SUFU: variants seen among roughly 807,000 people sequenced by gnomAD.
SUFU encodes suppressor of fused homolog.
SUFU carries 7 observed loss-of-function variants against 58.9 expected under a neutral mutation model. The ratio of observed to expected loss-of-function variants is 0.12; its 90% CI spans 0.07 to 0.22. SUFU has a LOEUF of 0.22. SUFU is among the 10% of genes least tolerant of loss of function. The pLI is 1.00. For missense variants in SUFU, 451 were observed against 641.3 expected (o/e 0.70, Z 3.20); for synonymous variants, 232 against 254.8 (o/e 0.91, Z 0.85).
chr10:102,577,080 C>CTTTT lies in SUFU; in HGVS notation c.455-15501_455-15498dup, dbSNP rs10656431. ...AGTAGAAGCATGTCCTGGATTTTTTCTTTTCTTTTTTTTTTTTTTTTGAGA... is the reference window on the plus strand; with the variant it reads ...AGTAGAAGCATGTCCTGGATTTTTTCTTTTTTTTCTTTTTTTTTTTTTTTTGAGA... On this transcript the variant is annotated intron_variant, in intron 3 of 11. Transcript: ENST00000369902. 5.0e-4 allele frequency among the ~76,000 whole-genome samples: 49 copies of CTTTT among 97,070 alleles called. 9 individuals carry two copies. Among genetic ancestry groups the CTTTT allele is most frequent in the African/African-American group, 6.7e-4 (19 of 28,462 alleles). 63.7% of individuals were successfully genotyped at this position (97,070 alleles called of 152,430 possible).
At chr10:102,596,853 A>G (rs939671483) in intron 6 of SUFU, among the ~76,000 whole-genome samples, 6 of 152,180 alleles carry the variant, frequency 3.9e-5, no homozygotes, top group African/African-American at 1.2e-4. Flanking sequence ...GGTAGAGGCC[A>G]TTGTGCTGGA....
At chr10:102,573,682 C>T (rs1363794072) in intron 3 of SUFU, among the ~76,000 whole-genome samples, 1 of 152,166 alleles carries the variant, frequency 6.6e-6, no homozygotes, top group Admixed American at 6.5e-5. Context: ...CAGGCTACAA[C>T]ATGGATGAAC....
intron 2 of SUFU, 136 bp downstream of exon 2, chr10:102,509,439 A>G: frequency 1.6e-6 from 2 of 1,273,280 alleles, no homozygotes; most frequent in Non-Finnish European, 2.3e-6. Context: ...GACTATATCT[A>G]CTCATGCCAA....
intron 10 of SUFU, among the ~76,000 whole-genome samples, chr10:102,623,174 T>C (rs1194850488): frequency 1.3e-5 from 2 of 152,176 alleles, no homozygotes; most frequent in Non-Finnish European, 2.9e-5. Flanking sequence ...CTGAGGGCTG[T>C]TTGTGTACAA....
In SUFU at chr10:102,565,663, G is replaced by A. The variant is rs1462613998; in HGVS notation, c.454+15557G>A. On this transcript the variant is annotated intron_variant, in intron 3 of 11. Transcript: ENST00000369902. ...AGGTTCACGGCATTCTCCTGCCTTA[G>A]CCTCCCGAGTAGCTGGGACTACAGG... Among the ~76,000 whole-genome samples, 3 of 152,144 alleles carry A rather than the reference G, an allele frequency of 2.0e-5. No individual in the cohort carries two copies. The East Asian group carries it at 5.8e-4, about 29-fold the overall frequency.
chr10:102,595,565 G>T (rs1411241687), intron 6 of SUFU, among the ~76,000 whole-genome samples: 2 of 143,126 alleles, frequency 1.4e-5, no homozygotes, highest in East Asian at 4.2e-4. Context: ...CACTAGTAGG[G>T]TAAACAGCTG....
chr10:102,516,693 G>A (rs1175949426), intron 2 of SUFU, among the ~76,000 whole-genome samples: 1 of 151,850 alleles, frequency 6.6e-6, no homozygotes, highest in Admixed American at 6.6e-5. Flanking sequence ...GATTACAGGT[G>A]CCCGCCAACA....
At chr10:102,516,994 G>T (rs942051687) in intron 2 of SUFU, among the ~76,000 whole-genome samples, 1 of 150,502 alleles carries the variant, frequency 6.6e-6, no homozygotes, top group African/African-American at 2.4e-5. Context: ...GTGGTGGTGG[G>T]CACCTGTAAT....
intron 3 of SUFU, among the ~76,000 whole-genome samples, chr10:102,554,288 A>G (rs2062950920): frequency 6.6e-6 from 1 of 152,150 alleles, no homozygotes; most frequent in African/African-American, 2.4e-5. Context: ...CTGTAATCCC[A>G]GCTACACGGG....
At chr10:102,555,453 C>G (rs2062965927) in intron 3 of SUFU, among the ~76,000 whole-genome samples, 1 of 151,896 alleles carries the variant, frequency 6.6e-6, no homozygotes, top group African/African-American at 2.4e-5. Flanking sequence ...TTATCTTACT[C>G]ACACGGAAAA....
chr10:102,511,590 A>T (rs966458422), intron 2 of SUFU, among the ~76,000 whole-genome samples: 1 of 152,102 alleles, frequency 6.6e-6, no homozygotes, highest in Non-Finnish European at 1.5e-5. Context: ...GGGTCTCGTT[A>T]TTCCTATTTT....
Position 102,503,990 on chromosome 10 carries a change from A to C in SUFU, c.-163A>C. 3 of 1,046,456 alleles carry C rather than the reference A, an allele frequency of 2.9e-6. No homozygotes were observed. The South Asian group carries it at 6.2e-5, about 22-fold the overall frequency. 64.8% of individuals were successfully genotyped at this position (1,046,456 alleles called of 1,614,324 possible). On this transcript the variant is annotated 5_prime_UTR_variant, in exon 1 of 12. Coordinates refer to ENST00000369902, the MANE Select transcript of SUFU (RefSeq NM_016169.4). ...CTCTGGCAGACTCGGCGGCGGCGAC[A>C]GCCTGGGCGGACAGTGCGCCGTGCG... is the stretch of plus-strand genomic sequence containing the variant.
chr10:102,514,973 C>A (rs7094366), intron 2 of SUFU, among the ~76,000 whole-genome samples: 1 of 152,060 alleles, frequency 6.6e-6, no homozygotes, highest in Non-Finnish European at 1.5e-5. Flanking sequence ...GGAGTTGGCC[C>A]AAAAGCATGG....
At chr10:102,586,049 T>G (rs2063332765) in intron 3 of SUFU, among the ~76,000 whole-genome samples, 1 of 151,812 alleles carries the variant, frequency 6.6e-6, no homozygotes, top group South Asian at 2.1e-4. Flanking sequence ...CACACCTGGC[T>G]AATATTTGTA....
chr10:102,630,155 G>T lies in SUFU; in HGVS notation c.1455G>T (p.Ter485TyrextTer36). 1 of 1,614,092 alleles carries T rather than the reference G, an allele frequency of 6.2e-7. No individual in the cohort carries two copies. Among genetic ancestry groups the T allele is most frequent in the African/African-American group, 1.3e-5 (1 of 75,070 alleles). Residue 485 changes from the stop codon to tyrosine (Y), a stop_lost, in exon 12 of 12, where the codon TAG (stop) becomes TAT (tyrosine). Coordinates refer to ENST00000369902, the MANE Select transcript of SUFU (RefSeq NM_016169.4). ...PDVVFDSPLH[*>Y] ...TGGTGTTCGACAGTCCGCTACACTA[G>T]CCTGGGCTGGGCCCTGCAGTGGCCA...
chr10:102,557,343 T>C (rs931319740), intron 3 of SUFU, among the ~76,000 whole-genome samples: 2 of 152,000 alleles, frequency 1.3e-5, no homozygotes, highest in Non-Finnish European at 2.9e-5. Flanking sequence ...TTTGGGAGGC[T>C]GAGGCAGTGA....
Position 102,615,407 on chromosome 10 carries a change from G to T in SUFU, c.1157+5G>T, listed in dbSNP as rs2063675702. Reference sequence around the variant, plus strand: ...CCTCATTCCTCTCTGCCTAAGGTGAGCGAGACAGCCCTGCCACACAGTTTA... The same window carrying T: ...CCTCATTCCTCTCTGCCTAAGGTGATCGAGACAGCCCTGCCACACAGTTTA... On this transcript the variant is annotated splice_donor_5th_base_variant and intron_variant, in intron 9 of 11. Transcript: ENST00000369902. 1 of 1,613,882 alleles carries T rather than the reference G, an allele frequency of 6.2e-7. No homozygotes were observed.
intron 2 of SUFU, among the ~76,000 whole-genome samples, chr10:102,520,039 TG>T (rs1278345804): frequency 2.0e-5 from 3 of 151,930 alleles, no homozygotes; most frequent in Non-Finnish European, 2.9e-5. Flanking sequence ...CCCAAAGTGC[TG>T]GGATTACAGG....
Position 102,619,637 on chromosome 10 carries a change from G to T in SUFU, c.1296+2209G>T, listed in dbSNP as rs1370673276. On this transcript the variant is annotated intron_variant, in intron 10 of 11. Coordinates refer to ENST00000369902, the MANE Select transcript of SUFU (RefSeq NM_016169.4). The surrounding 1 kb of genome is among the most constrained non-coding windows in gnomAD (Gnocchi z 4.2). The stretch of plus-strand genomic sequence containing the variant: ...GGGAAACCCTCTGACCCTGCCCCCA[G>T]CCGGATTCTCAGCAGTGGAGCCAAC... Among the ~76,000 whole-genome samples, 1 of 152,130 alleles carries T rather than the reference G, an allele frequency of 6.6e-6. No individual in the cohort carries two copies. Among genetic ancestry groups the T allele is most frequent in the African/African-American group, 2.4e-5 (1 of 41,416 alleles).
Sources: gnomAD v4.1 joint callset for allele counts (sites outside exome capture counted in the v4.1 genomes callset) on GRCh38, gnomAD v4.1.1 for gene constraint, Gnocchi (gnomAD v3.1) non-coding constraint, MANE v1.5 for transcripts, NCBI Gene and HGNC (gene_info 2026-07-23, HGNC 2026-07-21) for gene names.